ZKSCAN1: variants seen among roughly 807,000 people sequenced by gnomAD.
ZKSCAN1 encodes zinc finger protein with KRAB and SCAN domains 1.
A neutral mutation model predicts 51.6 loss-of-function variants in ZKSCAN1; 14 were observed. That is an observed-to-expected ratio of 0.27 (90% CI 0.18 to 0.42). The LOEUF (loss-of-function observed/expected upper bound fraction) is 0.42, where lower values mean the gene tolerates loss of function less well. Ranked by LOEUF, ZKSCAN1 falls within the 10% of genes least tolerant of loss-of-function variation. The pLI is 1.00. For synonymous variants in ZKSCAN1, 263 were observed against 261.5 expected (o/e 1.01, Z -0.06); for missense variants, 531 against 710.0 (o/e 0.75, Z 2.86).
chr7:100,020,212 A>G (rs1790537191), intron 1 of ZKSCAN1, among the ~76,000 whole-genome samples: 1 of 152,232 alleles, frequency 6.6e-6, no homozygotes, highest in African/African-American at 2.4e-5. Context: ...TTGAAAAGGC[A>G]GAGAGGACTG....
chr7:100,024,125 A>AC, intron 2 of ZKSCAN1, 29 bp from the exon 3 acceptor site: 1 of 1,586,182 alleles, frequency 6.3e-7, no homozygotes, highest in South Asian at 1.1e-5. Context: ...AAAGTGATTT[A>AC]CCCACAAGCC....
At chr7:100,026,135 G>A (rs1790823168) in intron 3 of ZKSCAN1, among the ~76,000 whole-genome samples, 1 of 147,064 alleles carries the variant, frequency 6.8e-6, no homozygotes, top group Admixed American at 7.1e-5. Context: ...CAGGAGAATT[G>A]CTTGAACTCA....
chr7:100,030,011 C>A (rs994246071), intron 4 of ZKSCAN1, 59 bp downstream of exon 4: 20 of 1,583,106 alleles, frequency 1.3e-5, no homozygotes, highest in Non-Finnish European at 1.6e-5. Context: ...TTCCTGAGCT[C>A]TCTTCATTAT....
At position 100,034,337 on chromosome 7, in the gene ZKSCAN1, T is replaced by G. The variant is rs1791256125; in HGVS notation, c.*140T>G. On this transcript the variant is annotated 3_prime_UTR_variant, in exon 6 of 6. Transcript: ENST00000324306. ...ACACTTAAGGATCCTTCTAGTCACATCAGCAGTGTTCTGCCTTTATGTAGT... is the reference window on the plus strand; with the variant it reads ...ACACTTAAGGATCCTTCTAGTCACAGCAGCAGTGTTCTGCCTTTATGTAGT... The G allele has an allele frequency of 2.1e-6, 3 of 1,436,994 alleles. No homozygotes were observed. Among genetic ancestry groups the G allele is most frequent in the Non-Finnish European group, 2.7e-6 (3 of 1,104,746 alleles). 89.0% of individuals were successfully genotyped at this position (1,436,994 alleles called of 1,614,324 possible).
chr7:100,028,637 G>A (rs1445360029), intron 3 of ZKSCAN1, among the ~76,000 whole-genome samples: 1 of 152,054 alleles, frequency 6.6e-6, no homozygotes, highest in Non-Finnish European at 1.5e-5. Flanking sequence ...AATAGTACTT[G>A]GCAAGAGATG....
At chr7:100,024,560 C>A (rs558801268) in intron 3 of ZKSCAN1, 38 of 439,300 alleles carry the variant, frequency 8.7e-5, no homozygotes, top group Middle Eastern at 1.3e-3. Context: ...TGCCACTACT[C>A]CAACCTGGGC....
At chr7:100,021,794 G>A (rs1354178519) in intron 1 of ZKSCAN1, among the ~76,000 whole-genome samples, 1 of 150,950 alleles carries the variant, frequency 6.6e-6, no homozygotes, top group Non-Finnish European at 1.5e-5. Flanking sequence ...ACCCAGGCTG[G>A]AATGCAGTGG....
rs1001663995 is a variant in ZKSCAN1, at chr7:100,039,323, AAAAAG to A, written c.*5130_*5134del. On this transcript the variant is annotated 3_prime_UTR_variant, in exon 6 of 6. Transcript: ENST00000324306. ...ACTCTGTCTCAAAAAAAGAAAAAAA[AAAAAG>A]AAAGAAAGAAAGAAAATTGGGGATA... The A allele has an allele frequency of 1.1e-4, 108 of 970,258 alleles. No individual in the cohort carries two copies. Among genetic ancestry groups the A allele is most frequent in the African/African-American group, 1.9e-4 (10 of 53,208 alleles). 60.1% of individuals were successfully genotyped at this position (970,258 alleles called of 1,614,324 possible).
Position 100,015,971 on chromosome 7 carries a change from G to A in ZKSCAN1, c.-89+245G>A, listed in dbSNP as rs1001103216. On this transcript the variant is annotated intron_variant, in intron 1 of 5. Transcript: ENST00000324306. ...GGCGAGGGTTTCAGTGGCTGAGGGT[G>A]CCCGGAGACCCGGGGAGAAGCCGTC... 3.3e-5 allele frequency among the ~76,000 whole-genome samples: 5 copies of A among 152,326 alleles called. No homozygotes were observed. In the South Asian group the frequency reaches 6.2e-4, roughly 19 times the overall value.
At chr7:100,024,369 C>G (rs1228922143) in intron 3 of ZKSCAN1, 62 bp downstream of exon 3, 4 of 1,572,042 alleles carry the variant, frequency 2.5e-6, no homozygotes, top group Non-Finnish European at 3.4e-6. Context: ...CTTTGTGCTG[C>G]TGAGTGCCTG....
chr7:100,021,119 T>C (rs919067919), intron 1 of ZKSCAN1, among the ~76,000 whole-genome samples: 2 of 136,202 alleles, frequency 1.5e-5, no homozygotes. Flanking sequence ...TTTTTTCCTT[T>C]TTTTTTTTTT....
At position 100,040,858 on chromosome 7, in the gene ZKSCAN1, G is replaced by GA; in HGVS notation, c.*6662dup. The GA allele has an allele frequency of 1.0e-6, 1 of 985,370 alleles. No individual in the cohort carries two copies. The highest frequency in any genetic ancestry group is 1.1e-4 in the East Asian group (1 of 8,818). 61.0% of individuals were successfully genotyped at this position (985,370 alleles called of 1,614,324 possible). A position where few individuals can be genotyped will look rare whatever the true frequency, so the allele number is the denominator to read the frequency against. The stretch of plus-strand genomic sequence containing the variant: ...CAAGGACAAAGCATGTTAGATTAGA[G>GA]ATGCTTCTGCTGATCGCAGGGGTTC... On this transcript the variant is annotated 3_prime_UTR_variant, in exon 6 of 6. Transcript: ENST00000324306.
At position 100,035,407 on chromosome 7, in the gene ZKSCAN1, T is replaced by C. The variant is rs929479384; in HGVS notation, c.*1210T>C. ...TCATCTTGAAGAAAAATATGAACACTGATGAAGGTCATTTTTTTTTTTTGA... is the reference window on the plus strand; with the variant it reads ...TCATCTTGAAGAAAAATATGAACACCGATGAAGGTCATTTTTTTTTTTTGA... On this transcript the variant is annotated 3_prime_UTR_variant, in exon 6 of 6. Coordinates refer to ENST00000324306, the MANE Select transcript of ZKSCAN1 (RefSeq NM_003439.4). 2 of 152,032 alleles carry C rather than the reference T, an allele frequency of 1.3e-5. No homozygotes were observed. Among genetic ancestry groups the C allele is most frequent in the Non-Finnish European group, 2.9e-5 (2 of 68,020 alleles). The allele number at this position is 152,032 out of a possible 1,614,324, so 9.4% of individuals were successfully genotyped here. A position where few individuals can be genotyped will look rare whatever the true frequency, so the allele number is the denominator to read the frequency against.
Position 100,038,668 on chromosome 7 carries a change from T to C in ZKSCAN1, c.*4471T>C, listed in dbSNP as rs1367914748. 4.1e-6 allele frequency: 4 copies of C among 985,338 alleles called. No individual in the cohort carries two copies. The highest frequency in any genetic ancestry group is 4.8e-6 in the Non-Finnish European group (4 of 829,958). The allele number at this position is 985,338 out of a possible 1,614,324, so 61.0% of individuals were successfully genotyped here. Reference sequence around the variant, plus strand: ...AGGTTCTTTTAAACCGTAGTCATGCTTTCCCACTAACTCTTAAATCCTTAT... The same window carrying C: ...AGGTTCTTTTAAACCGTAGTCATGCCTTCCCACTAACTCTTAAATCCTTAT... On this transcript the variant is annotated 3_prime_UTR_variant, in exon 6 of 6. Transcript: ENST00000324306.
intron 5 of ZKSCAN1, among the ~76,000 whole-genome samples, chr7:100,032,004 A>G (rs1279185737): frequency 6.6e-6 from 1 of 152,182 alleles, no homozygotes; most frequent in East Asian, 1.9e-4. Context: ...ACTTGAGCCC[A>G]GGAGATCGAG....
chr7:100,015,709 C>T lies in ZKSCAN1; in HGVS notation c.-106C>T. ...CCCTTTCTCGCCCAGCGCCCCCAGG[C>T]CGCTCCCGGGGCTCACGGTGAGACT... On this transcript the variant is annotated 5_prime_UTR_variant, in exon 1 of 6. Transcript: ENST00000324306. 6.6e-6 allele frequency: 1 copy of T among 152,438 alleles called. No individual in the cohort carries two copies. The highest frequency in any genetic ancestry group is 1.5e-5 in the Non-Finnish European group (1 of 68,150). 9.4% of individuals were successfully genotyped at this position (152,438 alleles called of 1,614,324 possible).
At chr7:100,044,090 T>C (rs1327841576), downstream of ZKSCAN1, among the ~76,000 whole-genome samples, 2 of 152,258 alleles carry the variant, frequency 1.3e-5, no homozygotes, top group East Asian at 3.9e-4. Flanking sequence ...ATCTAATTAC[T>C]CTTGATATTT....
Position 100,033,648 on chromosome 7 carries a change from A to T in ZKSCAN1, c.1143A>T (p.Glu381Asp), listed in dbSNP as rs1791214789. 6.2e-7 allele frequency: 1 copy of T among 1,614,214 alleles called. No homozygotes were observed. The highest frequency in any genetic ancestry group is 8.5e-7 in the Non-Finnish European group (1 of 1,180,028). The change falls in exon 6 of 6, where the codon GAA becomes GAT. Residue 381 changes from glutamate to aspartate, a missense_variant. By Grantham distance (45) the Glu-to-Asp change is conservative. Transcript: ENST00000324306. This position sits in a 1 kb window ranked among gnomAD's most constrained non-coding sequence, Gnocchi z 4.1. The stretch of plus-strand genomic sequence containing the variant: ...GAACAAAGTCTCACAGATGTGATGA[A>T]TGTGGTAAATGCTTCACGAGAAGTT... ...PTGTKSHRCD[E>D]CGKCFTRSSS... is the part of the protein sequence containing the mutation.
chr7:100,044,504 AAAAAAAATAC>A (rs1472475448), downstream of ZKSCAN1, among the ~76,000 whole-genome samples: 1 of 150,642 alleles, frequency 6.6e-6, no homozygotes, highest in Non-Finnish European at 1.5e-5. Context: ...CGTCTCTACT[AAAAAAAATAC>A]AAAAAAATAA....
Sources: allele counts gnomAD v4.1 joint callset (sites outside exome capture counted in the v4.1 genomes callset), GRCh38; gene constraint gnomAD v4.1.1; non-coding constraint Gnocchi (gnomAD v3.1); transcripts MANE v1.5; gene names NCBI Gene and HGNC (gene_info 2026-07-23, HGNC 2026-07-21).